TTLL3: variants seen among roughly 807,000 people sequenced by gnomAD.
The protein encoded by TTLL3 is tubulin monoglycylase TTLL3.
TTLL3 carries 63 observed loss-of-function variants against 75.2 expected under a neutral mutation model. The observed-to-expected ratio is 0.84, with a 90% CI of 0.68 to 1.03. TTLL3 has a LOEUF of 1.03. Among genes scored for constraint, TTLL3 ranks in the 50% least tolerant of loss-of-function variants. TTLL3 has a pLI of 0.00. For missense variants in TTLL3, 997 were observed against 1,069.9 expected (o/e 0.93, Z 0.95); for synonymous variants, 393 against 418.5 (o/e 0.94, Z 0.74).
At position 9,818,829 on chromosome 3, in the gene TTLL3, CT is replaced by C; in HGVS notation, c.568del (p.Trp190GlyfsTer2). The C allele has an allele frequency of 6.2e-7, 1 of 1,614,150 alleles. No homozygotes were observed. The highest frequency in any genetic ancestry group is 8.5e-7 in the Non-Finnish European group (1 of 1,180,028). On this transcript the variant is annotated frameshift_variant, in exon 7 of 14. Coordinates refer to ENST00000685419, the MANE Select transcript of TTLL3 (RefSeq NM_001387446.1). LOFTEE classifies it high-confidence loss of function. Reference protein sequence around the residue: ...DDKKAFIEDFWLTAARNVLKL... With the variant: ...DDKKAFIEDFXLTAARNVLKL... Reference sequence around the variant, plus strand: ...CCCCTGGCCTGGGAGCAGAGGACTTCTGGCTGACTGCTGCCCGCAACGTTCT... The same window carrying C: ...CCCCTGGCCTGGGAGCAGAGGACTTCGGCTGACTGCTGCCCGCAACGTTCT...
upstream of TTLL3, chr3:9,809,969 A>ATCAGGGGCCCTGGGAGGGCGGGCGCGGGG (rs1448791334): frequency 7.7e-7 from 1 of 1,297,786 alleles, no homozygotes; most frequent in Non-Finnish European, 9.7e-7. Context: ...GGGGCGCGGG[A>ATCAGGGGCCCTGGGAGGGCGGGCGCGGGG]TCAGGGGCCC....
chr3:9,817,372 C>T (rs547430806), intron 5 of TTLL3: 61 of 935,018 alleles, frequency 6.5e-5, no homozygotes, highest in Middle Eastern at 5.5e-4. Flanking sequence ...TACAGTGAGC[C>T]GAGATCGCGC....
Position 9,813,088 on chromosome 3 carries a change from G to A in TTLL3, c.194G>A (p.Gly65Asp), listed in dbSNP as rs2125677815. 1.3e-6 allele frequency: 2 copies of A among 1,580,514 alleles called. No homozygotes were observed. Among genetic ancestry groups the A allele is most frequent in the East Asian group, 2.2e-5 (1 of 44,482 alleles). ...PQKDLDSSAM[G>D]DSDTTEDEDE... ...AAGGATCTGGATAGCTCAGCGATGGGTGACAGTGACACCACTGAGGATGGT... is the reference window on the plus strand; with the variant it reads ...AAGGATCTGGATAGCTCAGCGATGGATGACAGTGACACCACTGAGGATGGT... The change falls in exon 3 of 14, where the codon GGT (glycine) becomes GAT (aspartate). Residue 65 changes from glycine (G) to aspartate (D), a missense_variant. Transcript: ENST00000685419.
chr3:9,824,737 C>CTTTTTTTTTTTTTTTTTTTTTTT (rs71052207), intron 8 of TTLL3, among the ~76,000 whole-genome samples: 2 of 80,678 alleles, frequency 2.5e-5, no homozygotes, highest in African/African-American at 4.3e-5. Flanking sequence ...CTTTTCTTTT[C>CTTTTTTTTTTTTTTTTTTTTTTT]TTTTTTTTTT....
Position 9,835,162 on chromosome 3 carries a change from G to A in TTLL3, c.2121G>A (p.Ser707=), listed in dbSNP as rs767751592. 2.4e-5 allele frequency: 38 copies of A among 1,614,182 alleles called. No individual in the cohort carries two copies. The highest frequency in any genetic ancestry group is 3.3e-4 in the Middle Eastern group (2 of 6,062). Residue 707 remains serine (S), a synonymous_variant, in exon 14 of 14, where the codon TCG becomes TCA. Coordinates refer to ENST00000685419, the MANE Select transcript of TTLL3 (RefSeq NM_001387446.1). ...CTTGTTGCCTCTGCCCTTTGAAGTCGGAACAATTCCTAGCACCTGTCGGAA... is the reference window on the plus strand; with the variant it reads ...CTTGTTGCCTCTGCCCTTTGAAGTCAGAACAATTCCTAGCACCTGTCGGAA... The part of the protein sequence containing the change: ...EVPCCLCPLK[S]EQFLAPVGRS...
intron 8 of TTLL3, chr3:9,825,583 C>G (rs2080954143): frequency 1.4e-6 from 1 of 725,398 alleles, no homozygotes; most frequent in Admixed American, 2.5e-5. Context: ...GGAATTTTAT[C>G]AGCCTTTCCC....
intron 10 of TTLL3, chr3:9,827,926 G>C (rs896700120): frequency 6.6e-6 from 1 of 152,228 alleles, no homozygotes; most frequent in African/African-American, 2.4e-5. Context: ...TGGATCACCT[G>C]AGGTCAGGAG....
rs760751722 is a variant in TTLL3 at position 9,827,068 on chromosome 3, G to A, written c.1075G>A (p.Gly359Ser). Residue 359 changes from glycine (G) to serine (S), a missense_variant, in exon 10 of 14, where the codon GGC (glycine) becomes AGC (serine). By Grantham distance (56) the Gly-to-Ser change is moderately conservative. Transcript: ENST00000685419. Reference sequence around the variant, plus strand: ...CGGCAACCCCGTGGTGATGAAGGACGGCAAGTGGGTGGTGCAGAAGTATAT... The same window carrying A: ...CGGCAACCCCGTGGTGATGAAGGACAGCAAGTGGGTGGTGCAGAAGTATAT... ...VNGNPVVMKD[G>S]KWVVQKYIER... 31 of 1,614,074 alleles carry A rather than the reference G, an allele frequency of 1.9e-5. No homozygotes were observed. The highest frequency in any genetic ancestry group is 5.3e-5 in the African/African-American group (4 of 74,924).
chr3:9,813,094 G>C lies in TTLL3; in HGVS notation c.200G>C (p.Ser67Thr), dbSNP rs995542329. ...CTGGATAGCTCAGCGATGGGTGACA[G>C]TGACACCACTGAGGATGGTGAGTGG... ...KDLDSSAMGD[S>T]DTTEDEDEDE... is the part of the protein sequence containing the mutation. Residue 67 changes from serine to threonine, a missense_variant, in exon 3 of 14, where the codon AGT (serine) becomes ACT (threonine). Transcript: ENST00000685419. 6.3e-7 allele frequency: 1 copy of C among 1,581,004 alleles called. No individual in the cohort carries two copies. Among genetic ancestry groups the C allele is most frequent in the Non-Finnish European group, 8.6e-7 (1 of 1,160,646 alleles).
At chr3:9,809,984 A>AGGGCGGGCGCGGGATCAGGGGCCCTGGGG (rs1559733275), upstream of TTLL3, 2 of 1,296,556 alleles carry the variant, frequency 1.5e-6, no homozygotes, top group Non-Finnish European at 9.7e-7. Context: ...GGGCCCTGGG[A>AGGGCGGGCGCGGGATCAGGGGCCCTGGGG]GGGCGAGCGC....
chr3:9,819,018 C>T, intron 7 of TTLL3, 98 bp downstream of exon 7: 1 of 1,481,648 alleles, frequency 6.7e-7, no homozygotes, highest in East Asian at 2.3e-5. Context: ...CATCCACGCA[C>T]CTACTGGTTC....
chr3:9,823,150 A>G (rs556666289), intron 8 of TTLL3, among the ~76,000 whole-genome samples: 26 of 152,020 alleles, frequency 1.7e-4, no homozygotes, highest in Middle Eastern at 3.4e-3. Flanking sequence ...TTGGGAGGCC[A>G]AGGCGGGCAG....
chr3:9,816,006 GGA>G (rs1312295300), intron 4 of TTLL3, 66 bp from the exon 5 acceptor site: 9 of 1,284,558 alleles, frequency 7.0e-6, no homozygotes, highest in Admixed American at 2.3e-5. Context: ...AGCAGGGCAG[GGA>G]GAGGCTGCCT....
Position 9,827,064 on chromosome 3 carries a change from G to C in TTLL3, c.1071G>C (p.Lys357Asn), listed in dbSNP as rs1210605698. The C allele has an allele frequency of 1.2e-6, 2 of 1,614,112 alleles. No homozygotes were observed. The highest frequency in any genetic ancestry group is 2.2e-5 in the South Asian group (2 of 91,088). Residue 357 changes from lysine (K) to asparagine (N), a missense_variant, in exon 10 of 14, where the codon AAG (lysine) becomes AAC (asparagine). Physicochemically the swap from Lys to Asn is moderately conservative, Grantham distance 94 (BLOSUM62 0). Coordinates refer to ENST00000685419, the MANE Select transcript of TTLL3 (RefSeq NM_001387446.1). ...KLVNGNPVVM[K>N]DGKWVVQKYI... ...TGAACGGCAACCCCGTGGTGATGAA[G>C]GACGGCAAGTGGGTGGTGCAGAAGT...
At position 9,816,146 on chromosome 3, in the gene TTLL3, C is replaced by G. The variant is rs749300768; in HGVS notation, c.388C>G (p.Leu130Val). The G allele has an allele frequency of 7.4e-7, 1 of 1,353,226 alleles. No homozygotes were observed. Among genetic ancestry groups the G allele is most frequent in the South Asian group, 1.2e-5 (1 of 84,918 alleles). 83.8% of individuals were successfully genotyped at this position (1,353,226 alleles called of 1,614,324 possible). Residue 130 changes from leucine to valine, a missense_variant, in exon 5 of 14, where the codon CTC (leucine) becomes GTC (valine). By Grantham distance (32) the Leu-to-Val change is conservative (BLOSUM62 1). Transcript: ENST00000685419. ...GCGGGATGTGCTCGACTGTCGCTTCCTCTCCAAGGATCAGATGATAAACCA... is the reference window on the plus strand; with the variant it reads ...GCGGGATGTGCTCGACTGTCGCTTCGTCTCCAAGGATCAGATGATAAACCA... ...TRRDVLDCRFLSKDQMINHYA... is the reference protein window; with the variant it reads ...TRRDVLDCRFVSKDQMINHYA...
In TTLL3 at chr3:9,835,364, G is replaced by A. The variant is rs557470434; in HGVS notation, c.2323G>A (p.Val775Ile). Residue 775 changes from valine (V) to isoleucine (I), a missense_variant, in exon 14 of 14, where the codon GTC becomes ATC. Coordinates refer to ENST00000685419, the MANE Select transcript of TTLL3 (RefSeq NM_001387446.1). ...CCTGCTTCGATTCCCCACTGCCCTT[G>A]TCCTGGATCCAACACCAAATAAAAA... The part of the protein sequence containing the change: ...KPLLRFPTAL[V>I]LDPTPNKKKQ... 2.5e-6 allele frequency: 4 copies of A among 1,614,142 alleles called. No homozygotes were observed. In the East Asian group the frequency reaches 6.7e-5, roughly 27 times the overall value.
intron 10 of TTLL3, chr3:9,828,245 C>T (rs999296645): frequency 3.4e-5 from 5 of 148,222 alleles, no homozygotes; most frequent in African/African-American, 1.0e-4. Context: ...ACTAAGATGT[C>T]GTGTTAACTT....
intron 11 of TTLL3, 149 bp from the exon 12 acceptor site, chr3:9,832,955 A>G: frequency 2.2e-6 from 2 of 897,634 alleles, no homozygotes; most frequent in East Asian, 2.5e-5. Flanking sequence ...ACTGACTCAG[A>G]GGTGGGCTTT....
intron 11 of TTLL3, among the ~76,000 whole-genome samples, chr3:9,829,661 A>G (rs777929834): frequency 5.9e-5 from 9 of 152,180 alleles, no homozygotes; most frequent in Non-Finnish European, 1.2e-4. Flanking sequence ...TAGCATAGCC[A>G]TAAGAGCAGA....
Sources: allele counts gnomAD v4.1 joint callset (sites outside exome capture counted in the v4.1 genomes callset), GRCh38; gene constraint gnomAD v4.1.1; transcripts MANE v1.5; gene names NCBI Gene and HGNC (gene_info 2026-07-23, HGNC 2026-07-21).